Variants in SPATA16 observed in about 807,000 individuals in gnomAD.
SPATA16 encodes the protein spermatogenesis associated 16.
In SPATA16, 36 loss-of-function variants were observed where a neutral mutation model predicts 63.3. That is an observed-to-expected ratio of 0.57 (90% CI 0.44 to 0.75). SPATA16 has a LOEUF of 0.75. Ranked by LOEUF, SPATA16 falls within the 30% of genes least tolerant of loss-of-function variation. SPATA16 has a pLI of 0.00. For synonymous variants in SPATA16, 203 were observed against 216.7 expected (o/e 0.94, Z 0.56); for missense variants, 646 against 679.3 (o/e 0.95, Z 0.54).
chr3:172,923,996 G>A (rs1422178688), intron 8 of SPATA16, among the ~76,000 whole-genome samples: 1 of 152,170 alleles, frequency 6.6e-6, no homozygotes, highest in Non-Finnish European at 1.5e-5. Context: ...CCTAATAAGT[G>A]CTTGAAATTG....
intron 2 of SPATA16, among the ~76,000 whole-genome samples, chr3:173,071,383 T>C (rs992601648): frequency 1.1e-4 from 17 of 152,240 alleles, no homozygotes; most frequent in Admixed American, 1.1e-3. Context: ...GGGGAAATAC[T>C]CCAGGACATT....
In SPATA16 at chr3:173,093,072, C is replaced by CATAT. The variant is rs1401926554; in HGVS notation, c.612+24047_612+24048insATAT. 3.4e-5 allele frequency among the ~76,000 whole-genome samples: 5 copies of CATAT among 145,518 alleles called. No individual in the cohort carries two copies. The South Asian group carries it at 8.8e-4, about 26-fold the overall frequency. On this transcript the variant is annotated intron_variant, in intron 2 of 10. Coordinates refer to ENST00000351008, the MANE Select transcript of SPATA16 (RefSeq NM_031955.6). Reference sequence around the variant, plus strand: ...ACACACACACACACACACACACACACACACATATATATATATATGTTTCAA... The same window carrying CATAT: ...ACACACACACACACACACACACACACATATACACATATATATATATATGTTTCAA...
chr3:173,109,611 T>G (rs1245580182), intron 2 of SPATA16, among the ~76,000 whole-genome samples: 1 of 152,190 alleles, frequency 6.6e-6, no homozygotes, highest in Non-Finnish European at 1.5e-5. Flanking sequence ...TGATAACCAT[T>G]GAAGGTAAAT....
intron 2 of SPATA16, among the ~76,000 whole-genome samples, chr3:173,080,530 T>C (rs927176915): frequency 1.3e-5 from 2 of 152,078 alleles, no homozygotes; most frequent in Non-Finnish European, 1.5e-5. Context: ...AGGATGAGGA[T>C]GACGGGAAAG....
At chr3:172,964,349 C>A (rs889507029) in intron 5 of SPATA16, among the ~76,000 whole-genome samples, 5 of 151,892 alleles carry the variant, frequency 3.3e-5, no homozygotes, top group African/African-American at 1.2e-4. Flanking sequence ...TTCTATAGAC[C>A]CTGAATAATT....
chr3:172,995,134 A>G (rs1734667234), intron 4 of SPATA16, among the ~76,000 whole-genome samples: 1 of 152,046 alleles, frequency 6.6e-6, no homozygotes, highest in African/African-American at 2.4e-5. Context: ...CTTTTTTAAA[A>G]AAGTAAAGGG....
intron 4 of SPATA16, among the ~76,000 whole-genome samples, chr3:173,005,327 GAAAAAAAAAA>G (rs531594936): frequency 2.5e-5 from 2 of 78,814 alleles, no homozygotes; most frequent in Admixed American, 1.5e-4. Context: ...TGTCTCAAAA[GAAAAAAAAAA>G]AAAAAAAAAA....
At chr3:172,938,832 C>A (rs574289123) in intron 6 of SPATA16, among the ~76,000 whole-genome samples, 2 of 102,820 alleles carry the variant, frequency 1.9e-5, no homozygotes. Context: ...CAGACCCCCC[C>A]ACCCCCCCGC....
At chr3:172,995,067 G>T (rs1436070935) in intron 4 of SPATA16, among the ~76,000 whole-genome samples, 1 of 152,038 alleles carries the variant, frequency 6.6e-6, no homozygotes, top group Non-Finnish European at 1.5e-5. Context: ...TTAGTATATT[G>T]ATTACTTAAA....
At chr3:172,981,244 G>A (rs570357799) in intron 4 of SPATA16, among the ~76,000 whole-genome samples, 1 of 152,072 alleles carries the variant, frequency 6.6e-6, no homozygotes, top group Admixed American at 6.6e-5. Context: ...TACTGCAACG[G>A]CCTCCAAACT....
intron 2 of SPATA16, among the ~76,000 whole-genome samples, chr3:173,059,799 C>CCTCTGGATAAATGT (rs1185681324): frequency 7.0e-6 from 1 of 142,808 alleles, no homozygotes; most frequent in Non-Finnish European, 1.5e-5. Flanking sequence ...TAAATGAACT[C>CCTCTGGATAAATGT]CTCTGGATAA....
chr3:173,069,813 A>G (rs1736621950), intron 2 of SPATA16, among the ~76,000 whole-genome samples: 1 of 152,238 alleles, frequency 6.6e-6, no homozygotes, highest in Non-Finnish European at 1.5e-5. Flanking sequence ...TATCCCTGTG[A>G]TGCAAGGATA....
At chr3:173,039,548 T>C (rs16846456) in intron 3 of SPATA16, among the ~76,000 whole-genome samples, 6,850 of 152,224 alleles carry the variant, frequency 0.045, 353 homozygotes, top group African/African-American at 0.13. Context: ...ATTATGCTCA[T>C]ATATTGTTTC....
rs536502424 is a variant in SPATA16 at position 173,006,004 on chromosome 3, A to G, written c.848+13482T>C. ...ATGACTATAAACTTGAAGTTTTACT[A>G]TATTTTAACCTTCATCTATTTTCTC... On this transcript the variant is annotated intron_variant, in intron 4 of 10. Transcript: ENST00000351008. Among the ~76,000 whole-genome samples, 13 of 152,314 alleles carry G rather than the reference A, an allele frequency of 8.5e-5. No individual in the cohort carries two copies. In the South Asian group the frequency reaches 1.9e-3, roughly 22 times the overall value.
intron 4 of SPATA16, among the ~76,000 whole-genome samples, chr3:172,993,192 A>G (rs1444195618): frequency 7.6e-6 from 1 of 130,996 alleles, no homozygotes; most frequent in African/African-American, 3.3e-5. Flanking sequence ...TTGGATTTTA[A>G]AATATTAGTG....
At chr3:173,027,361 T>G (rs1038852093) in intron 3 of SPATA16, among the ~76,000 whole-genome samples, 1 of 152,024 alleles carries the variant, frequency 6.6e-6, no homozygotes. Context: ...CTTCTGCAAC[T>G]AAAGATGACT....
At chr3:173,061,642 C>A (rs75810276) in intron 2 of SPATA16, among the ~76,000 whole-genome samples, 2,742 of 152,224 alleles carry the variant, frequency 0.018, 73 homozygotes, top group African/African-American at 0.063. Flanking sequence ...CAATAAATAT[C>A]TTTTTATACT....
chr3:172,956,545 C>T (rs908161783), intron 6 of SPATA16, 132 bp downstream of exon 6: 22 of 941,816 alleles, frequency 2.3e-5, no homozygotes, highest in South Asian at 7.0e-5. Context: ...AATTTCTTTC[C>T]GTTTCAAGTC....
chr3:172,969,368 A>G (rs946559937), intron 5 of SPATA16, among the ~76,000 whole-genome samples: 1 of 152,142 alleles, frequency 6.6e-6, no homozygotes. Flanking sequence ...ATCCAATGTC[A>G]TACCTTTGCA....
Sources: allele counts gnomAD v4.1 joint callset (sites outside exome capture counted in the v4.1 genomes callset), GRCh38; gene constraint gnomAD v4.1.1; transcripts MANE v1.5; gene names NCBI Gene and HGNC (gene_info 2026-07-23, HGNC 2026-07-21).